Variants in CBFA2T3 observed in about 807,000 individuals in gnomAD.
CBFA2T3 encodes the protein CBFA2/RUNX1 partner transcriptional co-repressor 3.
Under a neutral mutation model 58.6 loss-of-function variants are expected in CBFA2T3, and 31 were observed. That is an observed-to-expected ratio of 0.53 (90% CI 0.40 to 0.71). The LOEUF is 0.71. Among genes scored for constraint, CBFA2T3 ranks in the 30% least tolerant of loss-of-function variants. The pLI, the probability that CBFA2T3 is intolerant of heterozygous loss-of-function variation, is 0.00. For synonymous variants in CBFA2T3, 531 were observed against 421.9 expected, an observed-to-expected ratio of 1.26 and a Z score of -3.17; for missense variants, 1,076 against 963.1, an observed-to-expected ratio of 1.12 and a Z score of -1.55.
intron 5 of CBFA2T3, among the ~76,000 whole-genome samples, chr16:88,887,525 T>C (rs1201510378): frequency 1.3e-5 from 2 of 152,090 alleles, no homozygotes; most frequent in Non-Finnish European, 2.9e-5. Context: ...GCCTGACCCT[T>C]GGGCTGCGTG....
At chr16:88,934,525 C>A (rs970407805) in intron 1 of CBFA2T3, among the ~76,000 whole-genome samples, 1 of 152,226 alleles carries the variant, frequency 6.6e-6, no homozygotes, top group Non-Finnish European at 1.5e-5. Flanking sequence ...GGGCGACAGG[C>A]GAGGCTCCAT....
At chr16:88,956,062 G>A (rs950167652) in intron 1 of CBFA2T3, among the ~76,000 whole-genome samples, 68 of 152,354 alleles carry the variant, frequency 4.5e-4, no homozygotes, top group Non-Finnish European at 7.2e-4. Flanking sequence ...GCCCAGGGCT[G>A]CCAACCCCCA....
chr16:88,884,891 T>C, intron 7 of CBFA2T3, 155 bp downstream of exon 7: 1 of 616,090 alleles, frequency 1.6e-6, no homozygotes, highest in Non-Finnish European at 2.8e-6. Context: ...ACCGCTCTGC[T>C]CCAGGGGGAA....
intron 1 of CBFA2T3, among the ~76,000 whole-genome samples, chr16:88,913,579 C>T (rs976085377): frequency 2.0e-5 from 3 of 152,158 alleles, no homozygotes; most frequent in Non-Finnish European, 2.9e-5. Context: ...TGTCTCTAGC[C>T]GAACCAGGCC....
intron 1 of CBFA2T3, among the ~76,000 whole-genome samples, chr16:88,934,136 T>G (rs1328533174): frequency 6.7e-6 from 1 of 148,922 alleles, no homozygotes; most frequent in African/African-American, 2.6e-5. Context: ...GAAGCTCCCT[T>G]GGGAGAGGCC....
Position 88,874,940 on chromosome 16 carries a change from A to G in CBFA2T3, c.*2036T>C, listed in dbSNP as rs1968774505. 1 of 233,256 alleles carries G rather than the reference A, an allele frequency of 4.3e-6. No individual in the cohort carries two copies. The highest frequency in any genetic ancestry group is 6.0e-5 in the East Asian group (1 of 16,554). 14.4% of individuals were successfully genotyped at this position (233,256 alleles called of 1,614,324 possible). On this transcript the variant is annotated 3_prime_UTR_variant, in exon 12 of 12. Transcript: ENST00000268679. ...TTGGACCTCTGCAAAGACTATATAC[A>G]TTCACATTAACGTACACGCTCAGCT...
At chr16:88,919,459 C>T (rs979621749) in intron 1 of CBFA2T3, among the ~76,000 whole-genome samples, 1 of 152,218 alleles carries the variant, frequency 6.6e-6, no homozygotes, top group Non-Finnish European at 1.5e-5. Flanking sequence ...GGAACAAGCA[C>T]TCTATTTCTA....
In CBFA2T3 at chr16:88,875,013, T is replaced by G. The variant is rs1597647154; in HGVS notation, c.*1963A>C. 4.3e-6 allele frequency: 1 copy of G among 234,134 alleles called. No individual in the cohort carries two copies. Among genetic ancestry groups the G allele is most frequent in the East Asian group, 6.0e-5 (1 of 16,584 alleles). 14.5% of individuals were successfully genotyped at this position (234,134 alleles called of 1,614,324 possible). Reference sequence around the variant, plus strand: ...GTGGCTGGTTCAGTAGCTGGGTCACTCCCGTATTGCACTGAGTTCCTAGAA... The same window carrying G: ...GTGGCTGGTTCAGTAGCTGGGTCACGCCCGTATTGCACTGAGTTCCTAGAA... On this transcript the variant is annotated 3_prime_UTR_variant, in exon 12 of 12. Transcript: ENST00000268679.
chr16:88,914,883 T>C (rs1228404525), intron 1 of CBFA2T3, among the ~76,000 whole-genome samples: 2 of 152,166 alleles, frequency 1.3e-5, no homozygotes, highest in African/African-American at 4.8e-5. Context: ...AGCACATTCC[T>C]TGCCCAGCTG....
intron 1 of CBFA2T3, among the ~76,000 whole-genome samples, chr16:88,935,530 G>A (rs901189867): frequency 2.0e-5 from 3 of 152,224 alleles, no homozygotes; most frequent in Non-Finnish European, 1.5e-5. Flanking sequence ...CAGGTGGCGT[G>A]GTGCACCCGG....
chr16:88,928,299 G>A (rs867487101), intron 1 of CBFA2T3, among the ~76,000 whole-genome samples: 3 of 152,198 alleles, frequency 2.0e-5, no homozygotes, highest in Non-Finnish European at 2.9e-5. Flanking sequence ...CTGTGGTTTC[G>A]GGGACGCTCC....
At chr16:88,923,020 C>T (rs1489448741) in intron 1 of CBFA2T3, among the ~76,000 whole-genome samples, 1 of 152,332 alleles carries the variant, frequency 6.6e-6, no homozygotes, top group Non-Finnish European at 1.5e-5. Context: ...CGGCTCTTTA[C>T]AGGCCCCCAG....
chr16:88,882,869 C>T, intron 7 of CBFA2T3, 108 bp from the exon 8 acceptor site: 1 of 775,376 alleles, frequency 1.3e-6, no homozygotes, highest in South Asian at 1.5e-5. Flanking sequence ...GCTGTGCCCG[C>T]TGGGGACGAT....
intron 1 of CBFA2T3, among the ~76,000 whole-genome samples, chr16:88,905,887 T>G (rs1014770803): frequency 2.6e-4 from 40 of 151,934 alleles, no homozygotes; most frequent in Non-Finnish European, 4.1e-4. Flanking sequence ...AGGAGACCCA[T>G]GGCTGCCCTG....
chr16:88,889,517 G>T (rs1031482910), intron 5 of CBFA2T3, among the ~76,000 whole-genome samples: 5 of 151,928 alleles, frequency 3.3e-5, no homozygotes, highest in African/African-American at 1.2e-4. Context: ...GGACGACCAG[G>T]GCGTTTGGAA....
intron 2 of CBFA2T3, among the ~76,000 whole-genome samples, chr16:88,899,432 A>T (rs754814039): frequency 4.6e-5 from 7 of 152,120 alleles, no homozygotes; most frequent in Non-Finnish European, 8.8e-5. Flanking sequence ...AAGAAAAAGC[A>T]CCTGCTTATC....
At chr16:88,880,539 C>G (rs1969025802) in intron 10 of CBFA2T3, among the ~76,000 whole-genome samples, 181 bp downstream of exon 10, 1 of 152,238 alleles carries the variant, frequency 6.6e-6, no homozygotes, top group South Asian at 2.1e-4. Flanking sequence ...TAGCAGCTGT[C>G]CTGCCCTAAG....
Position 88,876,841 on chromosome 16 carries a change from G to A in CBFA2T3, c.*135C>T, listed in dbSNP as rs1968849780. 5 of 638,494 alleles carry A rather than the reference G, an allele frequency of 7.8e-6. No individual in the cohort carries two copies. The South Asian group carries it at 1.0e-4, about 13-fold the overall frequency. The allele number at this position is 638,494 out of a possible 1,614,324, so 39.6% of individuals were successfully genotyped here. ...GGGGCAGTAGCAGCAGTGACTAATT[G>A]GTCGGCTCCCCCAGGTCAGGCGGGG... On this transcript the variant is annotated 3_prime_UTR_variant, in exon 12 of 12. Transcript: ENST00000268679.
intron 1 of CBFA2T3, among the ~76,000 whole-genome samples, chr16:88,966,340 A>T (rs4782340): frequency 4.6e-5 from 7 of 152,058 alleles, no homozygotes; most frequent in Admixed American, 3.3e-4. Context: ...GTGCCGGGGT[A>T]GGGGGGTGGC....
Sources: gnomAD v4.1 joint callset for allele counts (sites outside exome capture counted in the v4.1 genomes callset) on GRCh38, gnomAD v4.1.1 for gene constraint, MANE v1.5 for transcripts, NCBI Gene and HGNC (gene_info 2026-07-23, HGNC 2026-07-21) for gene names.